The following NSD1 variants were observed in gnomAD, a reference collection of about 807,000 sequenced individuals.
NSD1 encodes the protein histone-lysine N-methyltransferase, H3 lysine-36 specific.
A neutral mutation model predicts 242.7 loss-of-function variants in NSD1; 26 were observed. The ratio of observed to expected loss-of-function variants is 0.11; its 90% CI spans 0.08 to 0.15. The LOEUF (loss-of-function observed/expected upper bound fraction) is 0.15. Ranked by LOEUF, NSD1 falls within the 10% of genes least tolerant of loss-of-function variation. NSD1 has a pLI of 1.00. For missense variants in NSD1, 2,495 were observed against 3,272.8 expected (o/e 0.76, Z 5.80); for synonymous variants, 1,106 against 1,178.1 (o/e 0.94, Z 1.25).
At chr5:177,173,972 C>T (rs997173884) in intron 2 of NSD1, among the ~76,000 whole-genome samples, 1 of 152,198 alleles carries the variant, frequency 6.6e-6, no homozygotes, top group Admixed American at 6.5e-5. Context: ...ATTAATTCAA[C>T]TTGCTTTGGT....
At chr5:177,202,441 TG>T (rs772258159) in intron 3 of NSD1, among the ~76,000 whole-genome samples, 5 of 152,114 alleles carry the variant, frequency 3.3e-5, no homozygotes, top group Admixed American at 6.6e-5. Flanking sequence ...TGCAGTGGCG[TG>T]ATAATGGCTC....
At chr5:177,131,924 T>C (rs1386241793), upstream of NSD1, among the ~76,000 whole-genome samples, 1 of 152,120 alleles carries the variant, frequency 6.6e-6, no homozygotes, top group African/African-American at 2.4e-5. Flanking sequence ...AGGGACCAGG[T>C]AACTCCTGAG....
intron 5 of NSD1, among the ~76,000 whole-genome samples, chr5:177,224,463 CTCA>C (rs1330103066): frequency 4.0e-5 from 6 of 151,846 alleles, no homozygotes; most frequent in African/African-American, 9.6e-5. Flanking sequence ...CTCAAATTAT[CTCA>C]TGTTTATGAA....
intron 2 of NSD1, among the ~76,000 whole-genome samples, chr5:177,142,944 C>G (rs1756945535): frequency 6.6e-6 from 1 of 152,174 alleles, no homozygotes; most frequent in Non-Finnish European, 1.5e-5. Context: ...AAACTGAACT[C>G]TTAATGGTCC....
chr5:177,172,981 AAG>A (rs1491082017), intron 2 of NSD1, among the ~76,000 whole-genome samples: 7 of 151,080 alleles, frequency 4.6e-5, no homozygotes, highest in Non-Finnish European at 8.9e-5. Flanking sequence ...AAAAAAAAAA[AAG>A]AATATTTTGT....
At chr5:177,287,013 C>T (rs1759392226) in intron 20 of NSD1, among the ~76,000 whole-genome samples, 1 of 152,208 alleles carries the variant, frequency 6.6e-6, no homozygotes, top group Admixed American at 6.5e-5. Context: ...CCTTCACATA[C>T]CTGCAACTTA....
chr5:177,224,700 G>A (rs191315459), intron 5 of NSD1, among the ~76,000 whole-genome samples: 45 of 150,050 alleles, frequency 3.0e-4, no homozygotes, highest in African/African-American at 1.0e-3. Flanking sequence ...TACTTACCCT[G>A]GCTAGAGCCT....
intron 5 of NSD1, among the ~76,000 whole-genome samples, chr5:177,234,218 G>A (rs569434855): frequency 2.0e-5 from 3 of 152,288 alleles, no homozygotes; most frequent in African/African-American, 2.4e-5. Flanking sequence ...TTTTAATATC[G>A]ACAAAGAGGC....
intron 2 of NSD1, among the ~76,000 whole-genome samples, chr5:177,140,229 G>A (rs12716329): frequency 0.079 from 11,953 of 152,198 alleles, 987 homozygotes; most frequent in African/African-American, 0.21. Context: ...ATTCTTCCCA[G>A]TGTACAAAGG....
chr5:177,158,955 TATATATACACACAC>T (rs1400102489), intron 2 of NSD1, among the ~76,000 whole-genome samples: 48 of 142,906 alleles, frequency 3.4e-4, no homozygotes, highest in African/African-American at 1.2e-3. Flanking sequence ...TACACACATA[TATATATACACACAC>T]ATATATACAC....
Position 177,210,374 on chromosome 5 carries a change from G to A in NSD1, c.1975G>A (p.Asp659Asn). Residue 659 changes from aspartate to asparagine, a missense_variant, in exon 5 of 23, where the codon GAT becomes AAT. Transcript: ENST00000439151. ...TCCCATAGAACACAGCTCAGAGTCT[G>A]ATAACAGTGTCCTTGAAATTCCAGA... ...LDPIEHSSES[D>N]NSVLEIPDAF... 6.2e-7 allele frequency: 1 copy of A among 1,614,124 alleles called. No homozygotes were observed. The highest frequency in any genetic ancestry group is 1.1e-5 in the South Asian group (1 of 91,080).
At chr5:177,214,620 C>A (rs142428556) in intron 5 of NSD1, among the ~76,000 whole-genome samples, 5 of 150,530 alleles carry the variant, frequency 3.3e-5, no homozygotes, top group Non-Finnish European at 7.4e-5. Flanking sequence ...TTTCACTTAG[C>A]ATAATGTTTT....
At chr5:177,266,015 C>T (rs75425485) in intron 14 of NSD1, 23,836 of 1,029,162 alleles carry the variant, frequency 0.023, 379 homozygotes, top group Middle Eastern at 0.034. Flanking sequence ...ATCTTTGATG[C>T]AAGATATATC....
At chr5:177,234,236 TC>T (rs1765273441) in intron 5 of NSD1, among the ~76,000 whole-genome samples, 1 of 152,236 alleles carries the variant, frequency 6.6e-6, no homozygotes, top group Non-Finnish European at 1.5e-5. Context: ...GGCTCCCGTT[TC>T]TTTGTTCAAC....
chr5:177,261,684 C>G (rs1465727461), intron 14 of NSD1, among the ~76,000 whole-genome samples: 2 of 152,062 alleles, frequency 1.3e-5, no homozygotes, highest in Non-Finnish European at 2.9e-5. Flanking sequence ...TTTCTAAGTT[C>G]ATGGTAATGG....
At chr5:177,133,261 G>A (rs1755992512), upstream of NSD1, 1 of 152,638 alleles carries the variant, frequency 6.6e-6, no homozygotes, top group Non-Finnish European at 1.5e-5. The surrounding 1 kb of genome is among the most constrained non-coding windows in gnomAD (Gnocchi z 6.2). Context: ...CTAAGATGGA[G>A]GCCGGGACTG....
At chr5:177,286,465 AC>A (rs1195988089) in intron 20 of NSD1, among the ~76,000 whole-genome samples, 17 of 152,120 alleles carry the variant, frequency 1.1e-4, no homozygotes, top group African/African-American at 4.1e-4. Flanking sequence ...TTAGATTTCT[AC>A]TTTGTAACAG....
chr5:177,211,898 C>T lies in NSD1; in HGVS notation c.3499C>T (p.Arg1167Cys), dbSNP rs750922390. ...KKRWQRLNQR[R>C]TKPRKRMNRF... The stretch of plus-strand genomic sequence containing the variant: ...GCGGTGGCAGCGTTTAAACCAAAGG[C>T]GCACTAAACCTCGTAAGCGCATGAA... The change falls in exon 5 of 23, where the codon CGC (arginine) becomes TGC (cysteine). Residue 1167 changes from arginine (R) to cysteine (C), a missense_variant. Arg to Cys is a radical substitution (Grantham distance 180, BLOSUM62 -3). Coordinates refer to ENST00000439151, the MANE Select transcript of NSD1 (RefSeq NM_022455.5). 27 of 1,609,046 alleles carry T rather than the reference C, an allele frequency of 1.7e-5. No individual in the cohort carries two copies. Among genetic ancestry groups the T allele is most frequent in the East Asian group, 2.2e-5 (1 of 44,850 alleles).
chr5:177,177,279 C>G (rs1217656753), intron 2 of NSD1, among the ~76,000 whole-genome samples: 1 of 152,120 alleles, frequency 6.6e-6, no homozygotes, highest in African/African-American at 2.4e-5. Context: ...CTTTGGGAGG[C>G]TGAGGTGGGT....
Sources: allele counts gnomAD v4.1 joint callset (sites outside exome capture counted in the v4.1 genomes callset), GRCh38; gene constraint gnomAD v4.1.1; non-coding constraint Gnocchi (gnomAD v3.1); transcripts MANE v1.5; gene names NCBI Gene and HGNC (gene_info 2026-07-23, HGNC 2026-07-21).